TPST2: variants seen among roughly 807,000 people sequenced by gnomAD.
TPST2 encodes tyrosylprotein sulfotransferase 2, also known as protein-tyrosine sulfotransferase 2.
Under a neutral mutation model 27.8 loss-of-function variants are expected in TPST2, and 16 were observed. The observed-to-expected ratio is 0.58, with a 90% confidence interval of 0.39 to 0.88. The LOEUF (loss-of-function observed/expected upper bound fraction) is 0.88, where lower values mean the gene tolerates loss of function less well. Ranked by LOEUF, TPST2 falls within the 40% of genes least tolerant of loss-of-function variation. The probability of loss-of-function intolerance (pLI) is 0.00; values close to 1 mark genes in which losing one functional copy is unlikely to be tolerated. For synonymous variants in TPST2, 229 were observed against 231.7 expected, an observed-to-expected ratio of 0.99 and a Z score of 0.10; for missense variants, 464 against 543.1, an observed-to-expected ratio of 0.85 and a Z score of 1.45.
At chr22:26,537,668 G>A (rs1477266440) in intron 3 of TPST2, among the ~76,000 whole-genome samples, 1 of 152,106 alleles carries the variant, frequency 6.6e-6, no homozygotes, top group Admixed American at 6.6e-5. Flanking sequence ...GGCCAGGCTG[G>A]TCTCGAACTC....
Position 26,541,158 on chromosome 22 carries a change from T to C in TPST2, c.473A>G (p.Lys158Arg). Reference protein sequence around the residue: ...HGEPARVLCNKDPFTLKSSVY... With the variant: ...HGEPARVLCNRDPFTLKSSVY... Reference sequence around the variant, plus strand: ...CGAGGACTTGAGCGTAAATGGGTCCTTGTTGCAGAGCACGCGGGCCGGCTC... The same window carrying C: ...CGAGGACTTGAGCGTAAATGGGTCCCTGTTGCAGAGCACGCGGGCCGGCTC... Residue 158 changes from lysine to arginine, a missense_variant, in exon 3 of 7, where the codon AAG (lysine) becomes AGG (arginine). Physicochemically the swap from Lys to Arg is conservative, Grantham distance 26. Coordinates refer to ENST00000338754, the MANE Select transcript of TPST2 (RefSeq NM_003595.5). The surrounding 1 kb of genome is among the most constrained non-coding windows in gnomAD (Gnocchi z 5.9). 1 of 1,606,246 alleles carries C rather than the reference T, an allele frequency of 6.2e-7. No individual in the cohort carries two copies.
intron 1 of TPST2, among the ~76,000 whole-genome samples, chr22:26,554,029 A>G (rs1232572880): frequency 2.0e-5 from 3 of 152,166 alleles, no homozygotes; most frequent in African/African-American, 7.2e-5. Context: ...CCCTCATGAC[A>G]GGCTTGGAGG....
chr22:26,577,850 G>C, intron 1 of TPST2, among the ~76,000 whole-genome samples: 1 of 151,308 alleles, frequency 6.6e-6, no homozygotes, highest in East Asian at 1.9e-4. Flanking sequence ...GTAGAAATGG[G>C]GTTTCACCAT....
intron 2 of TPST2, chr22:26,543,368 C>T (rs1925963863): frequency 1.3e-5 from 2 of 152,216 alleles, no homozygotes; most frequent in African/African-American, 4.8e-5. Context: ...TGCAACGACC[C>T]TTTGTCTTCA....
intron 1 of TPST2, among the ~76,000 whole-genome samples, chr22:26,589,422 C>T (rs1446558261): frequency 6.6e-6 from 1 of 152,094 alleles, no homozygotes; most frequent in Admixed American, 6.5e-5. Context: ...ACCTCCCATC[C>T]AGCTCACACC....
At chr22:26,573,032 G>A (rs1177408596) in intron 1 of TPST2, among the ~76,000 whole-genome samples, 1 of 152,132 alleles carries the variant, frequency 6.6e-6, no homozygotes, top group Non-Finnish European at 1.5e-5. Context: ...AATCGGGAGA[G>A]CAGCTAAATA....
intron 1 of TPST2, among the ~76,000 whole-genome samples, chr22:26,553,552 G>A (rs1360299194): frequency 6.6e-6 from 1 of 151,788 alleles, no homozygotes; most frequent in Non-Finnish European, 1.5e-5. Context: ...TTTTATTTTT[G>A]TGGAGACGGG....
At chr22:26,578,854 T>C (rs1290008916) in intron 1 of TPST2, among the ~76,000 whole-genome samples, 4 of 138,854 alleles carry the variant, frequency 2.9e-5, no homozygotes, top group African/African-American at 1.0e-4. Context: ...TCTTTCTTTC[T>C]TTTTTTTTTT....
chr22:26,531,533 A>G (rs202101989), intron 5 of TPST2, among the ~76,000 whole-genome samples: 1 of 152,242 alleles, frequency 6.6e-6, no homozygotes, highest in Non-Finnish European at 1.5e-5. Context: ...AGGCGTTTAC[A>G]GTTCCCTCTG....
Position 26,578,853 on chromosome 22 carries a change from C to CT in TPST2, c.-161+11199dup, listed in dbSNP as rs869169533. ...AAAGCTGGACCCTATTTCTTTCTTTCTTTTTTTTTTTTTTTTGAGACGGGG... is the reference window on the plus strand; with the variant it reads ...AAAGCTGGACCCTATTTCTTTCTTTCTTTTTTTTTTTTTTTTTGAGACGGGG... On this transcript the variant is annotated intron_variant, in intron 1 of 6. Coordinates refer to ENST00000338754, the MANE Select transcript of TPST2 (RefSeq NM_003595.5). 9.3e-3 allele frequency among the ~76,000 whole-genome samples: 1,297 copies of CT among 138,924 alleles called. 4 individuals carry two copies. The highest frequency in any genetic ancestry group is 0.01 in the Non-Finnish European group (641 of 63,824). The allele number at this position is 138,924 out of a possible 152,430, so 91.1% of individuals were successfully genotyped here.
At chr22:26,562,015 T>C (rs557042674) in intron 1 of TPST2, among the ~76,000 whole-genome samples, 8 of 152,344 alleles carry the variant, frequency 5.3e-5, no homozygotes, top group African/African-American at 1.7e-4. Context: ...CCTTGTTTGC[T>C]TCCTGGGTGC....
At chr22:26,572,306 G>T (rs890304004) in intron 1 of TPST2, among the ~76,000 whole-genome samples, 2 of 152,112 alleles carry the variant, frequency 1.3e-5, no homozygotes, top group African/African-American at 4.8e-5. Flanking sequence ...TAGGGTATAG[G>T]GCTGGAGGTG....
intron 1 of TPST2, among the ~76,000 whole-genome samples, chr22:26,573,624 G>A (rs1181161968): frequency 6.6e-6 from 1 of 152,168 alleles, no homozygotes; most frequent in Non-Finnish European, 1.5e-5. Context: ...GCTTGACCAA[G>A]AACAAAGCAA....
At chr22:26,556,396 C>T (rs1926794038) in intron 1 of TPST2, among the ~76,000 whole-genome samples, 1 of 152,058 alleles carries the variant, frequency 6.6e-6, no homozygotes, top group South Asian at 2.1e-4. Flanking sequence ...AAAAATTAGC[C>T]AGGCGTGGTG....
intron 1 of TPST2, among the ~76,000 whole-genome samples, chr22:26,570,085 A>G (rs2147230459): frequency 6.6e-6 from 1 of 151,276 alleles, no homozygotes; most frequent in South Asian, 2.1e-4. Context: ...GAAAGAAAGA[A>G]AAGAAAGAGA....
chr22:26,577,716 T>G (rs1927913162), intron 1 of TPST2, among the ~76,000 whole-genome samples: 1 of 141,208 alleles, frequency 7.1e-6, no homozygotes, highest in Non-Finnish European at 1.5e-5. Flanking sequence ...TGGAATGCAG[T>G]GGCACAAGCT....
intron 1 of TPST2, among the ~76,000 whole-genome samples, chr22:26,576,653 T>C (rs1051243449): frequency 2.4e-4 from 36 of 152,088 alleles, no homozygotes; most frequent in African/African-American, 8.2e-4. Context: ...TAAATAATCA[T>C]GGCAATAAGA....
Position 26,560,154 on chromosome 22 carries a change from C to T in TPST2, c.-160-15479G>A, listed in dbSNP as rs574731019. ...AAGGTCACACAGCAAGTTAATGGCA[C>T]GGCCAGGCCTGAACACCTGGCTGGG... On this transcript the variant is annotated intron_variant, in intron 1 of 6. Coordinates refer to ENST00000338754, the MANE Select transcript of TPST2 (RefSeq NM_003595.5). Among the ~76,000 whole-genome samples the T allele has an allele frequency of 2.6e-5, 4 of 152,180 alleles. No homozygotes were observed. The South Asian group carries it at 6.2e-4, about 24-fold the overall frequency.
rs1354137755 is a variant in TPST2, at chr22:26,542,355, G to C, written c.-88-637C>G. Reference sequence around the variant, plus strand: ...CTGCCTCAGCCTCCCAAGTACCTGGGACTACAGGCACACACCACCGCACCT... The same window carrying C: ...CTGCCTCAGCCTCCCAAGTACCTGGCACTACAGGCACACACCACCGCACCT... On this transcript the variant is annotated intron_variant, in intron 2 of 6. Coordinates refer to ENST00000338754, the MANE Select transcript of TPST2 (RefSeq NM_003595.5). 2.6e-5 allele frequency among the ~76,000 whole-genome samples: 4 copies of C among 151,884 alleles called. No individual in the cohort carries two copies. In the East Asian group the frequency reaches 7.8e-4, roughly 30 times the overall value.
Sources: allele counts gnomAD v4.1 joint callset (sites outside exome capture counted in the v4.1 genomes callset), GRCh38; gene constraint gnomAD v4.1.1; non-coding constraint Gnocchi (gnomAD v3.1); transcripts MANE v1.5; gene names NCBI Gene and HGNC (gene_info 2026-07-23, HGNC 2026-07-21).